Variants in FAT3 observed in about 807,000 individuals in gnomAD.
FAT3 encodes FAT atypical cadherin 3, also known as protocadherin Fat 3.
FAT3 carries 95 observed loss-of-function variants against 310.2 expected under a neutral mutation model. The observed-to-expected ratio is 0.31, with a 90% confidence interval of 0.26 to 0.36. The LOEUF is 0.36. Ranked by LOEUF, FAT3 falls within the 10% of genes least tolerant of loss-of-function variation. FAT3 has a pLI of 1.00. For synonymous variants in FAT3, 2,314 were observed against 2,192.9 expected (o/e 1.06, Z -1.54); for missense variants, 5,408 against 5,715.6 (o/e 0.95, Z 1.74).
At chr11:92,528,553 AT>A (rs1378965682) in intron 3 of FAT3, among the ~76,000 whole-genome samples, 1 of 152,066 alleles carries the variant, frequency 6.6e-6, no homozygotes, top group Non-Finnish European at 1.5e-5. Flanking sequence ...CACCCGGCTA[AT>A]TTTTTGTATT....
intron 3 of FAT3, among the ~76,000 whole-genome samples, chr11:92,563,493 G>A (rs574129725): frequency 2.6e-5 from 4 of 152,234 alleles, no homozygotes; most frequent in South Asian, 4.1e-4. Context: ...ACTACTAACA[G>A]TAATAAAAAT....
At chr11:92,552,146 G>A (rs534765976) in intron 3 of FAT3, among the ~76,000 whole-genome samples, 1 of 152,118 alleles carries the variant, frequency 6.6e-6, no homozygotes, top group Non-Finnish European at 1.5e-5. Context: ...ATACCCCGTG[G>A]TTGCAGCCAG....
rs1051834433 is a variant in FAT3 at position 92,711,870 on chromosome 11, T to C, written c.3669+14425T>C. Among the ~76,000 whole-genome samples the C allele has an allele frequency of 2.6e-5, 4 of 152,324 alleles. No individual in the cohort carries two copies. In the East Asian group the frequency reaches 7.7e-4, roughly 29 times the overall value. On this transcript the variant is annotated intron_variant, in intron 4 of 27. Transcript: ENST00000525166. ...TTTGATATTCTACCTTACAACATTT[T>C]GTCATTGAAGACAAAATGATATATT...
intron 18 of FAT3, among the ~76,000 whole-genome samples, chr11:92,842,939 T>C (rs1252260699): frequency 6.6e-6 from 1 of 152,182 alleles, no homozygotes; most frequent in East Asian, 1.9e-4. Context: ...CATCAAGTAC[T>C]AAGTGTGTCT....
At chr11:92,634,326 C>T (rs1409235430) in intron 3 of FAT3, among the ~76,000 whole-genome samples, 1 of 152,118 alleles carries the variant, frequency 6.6e-6, no homozygotes, top group Non-Finnish European at 1.5e-5. Flanking sequence ...TCTCTGAATC[C>T]TCATGGTCAG....
chr11:92,867,204 C>G lies in FAT3; in HGVS notation c.12122C>G (p.Ser4041Trp), dbSNP rs771010983. Residue 4041 changes from serine to tryptophan, a missense_variant, in exon 22 of 28, where the codon TCG (serine) becomes TGG (tryptophan). Ser to Trp is a radical substitution (Grantham distance 177). Around this residue, in one of 5 missense-constraint regions of FAT3, gnomAD observed 4,588 missense variants for 4,809.8 expected, o/e 0.95. Coordinates refer to ENST00000525166, the MANE Select transcript of FAT3 (RefSeq NM_001367949.2). ...QHGGSCTGLP[S>W]GGYQCTCLSQ... is the part of the protein sequence containing the mutation. ...GGGGGCAGCTGCACTGGCCTGCCAT[C>G]GGGGGGTGAGTGTGGCTACGCAGTG... 1 of 1,569,748 alleles carries G rather than the reference C, an allele frequency of 6.4e-7. No homozygotes were observed. The highest frequency in any genetic ancestry group is 8.6e-7 in the Non-Finnish European group (1 of 1,162,294).
At chr11:92,285,679 T>C (rs1004147510) in intron 1 of FAT3, among the ~76,000 whole-genome samples, 1 of 152,158 alleles carries the variant, frequency 6.6e-6, no homozygotes, top group Admixed American at 6.5e-5. Context: ...GAAAAAACAG[T>C]TATCTTGGCA....
intron 2 of FAT3, among the ~76,000 whole-genome samples, chr11:92,512,622 T>C (rs901463522): frequency 1.4e-4 from 20 of 147,518 alleles, no homozygotes; most frequent in African/African-American, 4.9e-4. Context: ...TATTAAAATA[T>C]ATATATTTAA....
chr11:92,419,068 G>A (rs555520034), intron 2 of FAT3, among the ~76,000 whole-genome samples: 1 of 152,224 alleles, frequency 6.6e-6, no homozygotes, highest in African/African-American at 2.4e-5. Flanking sequence ...CCAGACCCCT[G>A]ACTTACATTC....
chr11:92,273,429 C>A (rs533897964), intron 1 of FAT3, among the ~76,000 whole-genome samples: 158 of 152,054 alleles, frequency 1.0e-3, no homozygotes, highest in Admixed American at 2.2e-3. Flanking sequence ...TAAAAAAGAT[C>A]TTGGGTATTT....
At chr11:92,736,713 A>G (rs915168635) in intron 4 of FAT3, among the ~76,000 whole-genome samples, 1 of 152,194 alleles carries the variant, frequency 6.6e-6, no homozygotes, top group Admixed American at 6.5e-5. Flanking sequence ...GAAGAAAGTC[A>G]TAAATATAGC....
chr11:92,881,014 G>T (rs532491737), intron 23 of FAT3, 130 bp downstream of exon 23: 3 of 965,220 alleles, frequency 3.1e-6, no homozygotes, highest in Non-Finnish European at 4.6e-6. Flanking sequence ...TGCACGATAC[G>T]TATAAGGAGT....
chr11:92,274,311 G>A (rs1331183243), intron 1 of FAT3, among the ~76,000 whole-genome samples: 1 of 151,920 alleles, frequency 6.6e-6, no homozygotes, highest in Non-Finnish European at 1.5e-5. Context: ...AATACATATT[G>A]TAAACCTTCT....
chr11:92,837,134 C>T (rs142010470), intron 16 of FAT3, among the ~76,000 whole-genome samples: 1 of 152,246 alleles, frequency 6.6e-6, no homozygotes, highest in East Asian at 1.9e-4. Flanking sequence ...AGTTTCTAAA[C>T]ATTGTCTTTC....
intron 1 of FAT3, among the ~76,000 whole-genome samples, chr11:92,245,349 C>T (rs1481371389): frequency 3.4e-5 from 5 of 148,150 alleles, no homozygotes; most frequent in South Asian, 2.2e-4. Context: ...CGGGGGGTGG[C>T]GGGCTAGGGG....
At position 92,867,180 on chromosome 11, in the gene FAT3, G is replaced by A. The variant is rs755413624; in HGVS notation, c.12098G>A (p.Gly4033Glu). The A allele has an allele frequency of 2.5e-6, 4 of 1,588,342 alleles. No individual in the cohort carries two copies. The East Asian group carries it at 6.8e-5, about 27-fold the overall frequency. The change falls in exon 22 of 28, where the codon GGG (glycine) becomes GAG (glutamate). Residue 4033 changes from glycine (G) to glutamate (E), a missense_variant. Gly to Glu is a moderately conservative substitution (Grantham distance 98). Transcript: ENST00000525166. Reference protein sequence around the residue: ...DACKRSPCQHGGSCTGLPSGG... With the variant: ...DACKRSPCQHEGSCTGLPSGG... ...TGCAAGCGCAGCCCGTGCCAGCACG[G>A]GGGCAGCTGCACTGGCCTGCCATCG...
rs3029101 is a variant in FAT3 at position 92,895,919 on chromosome 11, T to TACACACACAC, written c.*4818_*4827dup. The TACACACACAC allele has an allele frequency of 2.7e-5, 4 of 149,926 alleles. No homozygotes were observed. Among genetic ancestry groups the TACACACACAC allele is most frequent in the African/African-American group, 9.8e-5 (4 of 40,714 alleles). The allele number at this position is 149,926 out of a possible 1,614,324, so 9.3% of individuals were successfully genotyped here. ...TTGGTCTGCAAACTTTTGAGGTAAC[T>TACACACACAC]ACACACACACACACACACACAAGGA... On this transcript the variant is annotated 3_prime_UTR_variant, in exon 28 of 28. Transcript: ENST00000525166.
chr11:92,297,861 G>A (rs554398220), intron 1 of FAT3, among the ~76,000 whole-genome samples: 55 of 152,182 alleles, frequency 3.6e-4, no homozygotes, highest in African/African-American at 1.3e-3. Context: ...ATCTTAAATT[G>A]TCCACAATCT....
chr11:92,253,329 C>G (rs963961), intron 1 of FAT3, among the ~76,000 whole-genome samples: 4 of 152,020 alleles, frequency 2.6e-5, no homozygotes, highest in African/African-American at 9.7e-5. Context: ...CACCATGTAC[C>G]CAACCTTCCA....
Sources: allele counts gnomAD v4.1 joint callset (sites outside exome capture counted in the v4.1 genomes callset), GRCh38; gene constraint gnomAD v4.1.1; regional missense constraint gnomAD v4.1.1; transcripts MANE v1.5; gene names NCBI Gene and HGNC (gene_info 2026-07-23, HGNC 2026-07-21).